The following MEIOB variants were observed in gnomAD, a reference collection of about 807,000 sequenced individuals.
MEIOB encodes the protein meiosis specific with OB-fold.
A neutral mutation model predicts 53.1 loss-of-function variants in MEIOB; 50 were observed. The observed-to-expected ratio is 0.94, with a 90% CI of 0.75 to 1.19. MEIOB has a LOEUF of 1.19. MEIOB is among the 50% of genes most tolerant of loss of function. MEIOB has a pLI of 0.00. For missense variants in MEIOB, 551 were observed against 550.8 expected (o/e 1.00, Z 0.00); for synonymous variants, 192 against 182.5 (o/e 1.05, Z -0.42).
In MEIOB at chr16:1,853,258, A is replaced by C. The variant is rs770279152; in HGVS notation, c.643T>G (p.Ser215Ala). Residue 215 changes from serine to alanine, a missense_variant, in exon 8 of 14, where the codon TCC becomes GCC. Physicochemically the swap from Ser to Ala is moderately conservative, Grantham distance 99. Transcript: ENST00000325962. ...SFAMTCWDNE[S>A]ILLAQSWMPR... ...ATCCAGCTCTGTGCAAGTAGAATGG[A>C]TTCATTATCCCAACTGCATTTGTTT... is the stretch of plus-strand genomic sequence containing the variant. 111 of 1,549,812 alleles carry C rather than the reference A, an allele frequency of 7.2e-5. No homozygotes were observed. Among genetic ancestry groups the C allele is most frequent in the Non-Finnish European group, 9.6e-5 (110 of 1,144,988 alleles).
intron 12 of MEIOB, 109 bp from the exon 13 acceptor site, chr16:1,837,979 C>T (rs1898793858): frequency 6.9e-7 from 1 of 1,439,736 alleles, no homozygotes; most frequent in African/African-American, 1.4e-5. Context: ...ATTTTATTTG[C>T]AGTAATTACA....
At chr16:1,834,695 G>T (rs989867131) in intron 13 of MEIOB, among the ~76,000 whole-genome samples, 1 of 152,214 alleles carries the variant, frequency 6.6e-6, no homozygotes, top group Admixed American at 6.5e-5. Context: ...CACTTTGGGA[G>T]GCCAAGGCGG....
intron 9 of MEIOB, among the ~76,000 whole-genome samples, chr16:1,847,852 G>A (rs1422870440): frequency 1.3e-5 from 2 of 152,120 alleles, no homozygotes; most frequent in East Asian, 1.9e-4. Context: ...GAATGCCTGT[G>A]TGCTCTCTCA....
chr16:1,845,486 C>T (rs1041956265), intron 9 of MEIOB, among the ~76,000 whole-genome samples: 3 of 151,842 alleles, frequency 2.0e-5, no homozygotes, highest in Non-Finnish European at 4.4e-5. Context: ...CGCCACTGCA[C>T]TCCAGCCTGG....
At chr16:1,844,122 CTTTTTTT>C (rs755682782) in intron 10 of MEIOB, among the ~76,000 whole-genome samples, 9 of 129,420 alleles carry the variant, frequency 7.0e-5, no homozygotes, top group African/African-American at 2.6e-4. Context: ...TATTATGTTT[CTTTTTTT>C]TTTTTTTTTT....
chr16:1,852,552 C>T (rs1427483114), intron 9 of MEIOB, among the ~76,000 whole-genome samples: 3 of 151,106 alleles, frequency 2.0e-5, no homozygotes, highest in African/African-American at 4.9e-5. Flanking sequence ...TGAGCCACCG[C>T]GCCAGCCTTG....
chr16:1,852,104 A>G (rs2492883), intron 9 of MEIOB, among the ~76,000 whole-genome samples: 106,777 of 152,096 alleles, frequency 0.7, 37,581 homozygotes, highest in Middle Eastern at 0.8. Context: ...GCACGCATGC[A>G]TGTGTTATCA....
rs191602436 is a variant in MEIOB at position 1,868,315 on chromosome 16, G to T, written c.-9-131C>A. 32 of 467,516 alleles carry T rather than the reference G, an allele frequency of 6.8e-5. No individual in the cohort carries two copies. In the South Asian group the frequency reaches 8.0e-4, roughly 12 times the overall value. The allele number at this position is 467,516 out of a possible 1,614,324, so 29.0% of individuals were successfully genotyped here. On this transcript the variant is annotated intron_variant, in intron 1 of 13. Coordinates refer to ENST00000325962, the MANE Select transcript of MEIOB (RefSeq NM_001163560.3). Reference sequence around the variant, plus strand: ...CTCATACCTGTAATCCCAGCACTTTGGGAGGCTGAAGTGGATGGATCACCT... The same window carrying T: ...CTCATACCTGTAATCCCAGCACTTTTGGAGGCTGAAGTGGATGGATCACCT...
intron 4 of MEIOB, 73 bp downstream of exon 4, chr16:1,861,912 A>G: frequency 1.3e-5 from 18 of 1,370,870 alleles, no homozygotes; most frequent in Non-Finnish European, 1.7e-5. Context: ...CAACTCCTTC[A>G]GTATAGTTAC....
In MEIOB at chr16:1,857,736, G is replaced by A. The variant is rs114880550; in HGVS notation, c.527C>T (p.Ser176Leu). ...RIINVLAAVK[S>L]VGEPKYFTTS... ...GGCTTTGTCGGGGTTTTAACTTACC[G>A]ATTTCACAGCTGCAAGCACGTTAAT... The change falls in exon 6 of 14, where the codon TCG (serine) becomes TTG (leucine). Residue 176 changes from serine to leucine, a missense_variant and splice_region_variant. Coordinates refer to ENST00000325962, the MANE Select transcript of MEIOB (RefSeq NM_001163560.3). 1,672 of 1,550,770 alleles carry A rather than the reference G, an allele frequency of 1.1e-3. 20 individuals carry two copies. In the African/African-American group the frequency reaches 0.021, roughly 20 times the overall value.
At chr16:1,846,674 G>A (rs1011107210) in intron 9 of MEIOB, among the ~76,000 whole-genome samples, 3 of 152,214 alleles carry the variant, frequency 2.0e-5, no homozygotes, top group Non-Finnish European at 4.4e-5. Flanking sequence ...GCTGAAAGCC[G>A]CCATTCTCAG....
chr16:1,835,358 G>A (rs1432073610), intron 13 of MEIOB, among the ~76,000 whole-genome samples: 1 of 152,064 alleles, frequency 6.6e-6, no homozygotes, highest in Non-Finnish European at 1.5e-5. Flanking sequence ...GACTCAATCT[G>A]TGAGACTACA....
At chr16:1,870,796 ACTAT>A (rs1899723422) in intron 1 of MEIOB, among the ~76,000 whole-genome samples, 1 of 152,180 alleles carries the variant, frequency 6.6e-6, no homozygotes, top group South Asian at 2.1e-4. Flanking sequence ...ATGCAGTGTC[ACTAT>A]CTAAAACACT....
intron 1 of MEIOB, among the ~76,000 whole-genome samples, chr16:1,871,279 G>A (rs1399650273): frequency 6.7e-6 from 1 of 149,390 alleles, no homozygotes; most frequent in Non-Finnish European, 1.5e-5. Flanking sequence ...GAGCGCAGTG[G>A]CGCAATCTCG....
chr16:1,852,719 C>A (rs1899203887), intron 9 of MEIOB, among the ~76,000 whole-genome samples: 1 of 151,982 alleles, frequency 6.6e-6, no homozygotes. Flanking sequence ...CCAAGCCCAG[C>A]TAATTTTTAT....
Position 1,854,132 on chromosome 16 carries a change from A to G in MEIOB, c.597T>C (p.Tyr199=), listed in dbSNP as rs542989312. 8 of 1,551,274 alleles carry G rather than the reference A, an allele frequency of 5.2e-6. No individual in the cohort carries two copies. The African/African-American group carries it at 8.2e-5, about 16-fold the overall frequency. The change falls in exon 7 of 14, where the codon TAT becomes TAC. Residue 199 remains tyrosine (Y), a synonymous_variant. Coordinates refer to ENST00000325962, the MANE Select transcript of MEIOB (RefSeq NM_001163560.3). ...RKGQRCEVRL[Y]DETESSFAMT... is the part of the protein sequence containing the mutation. ...TCGCAAAAGACGACTCTGTTTCATCATAGAGTCTAACTTCACACCTCTGGC... is the reference window on the plus strand; with the variant it reads ...TCGCAAAAGACGACTCTGTTTCATCGTAGAGTCTAACTTCACACCTCTGGC...
At position 1,853,119 on chromosome 16, in the gene MEIOB, T is replaced by A; in HGVS notation, c.698A>T (p.Asp233Val). The change falls in exon 9 of 14, where the codon GAT becomes GTT. Residue 233 changes from aspartate to valine, a missense_variant. Asp to Val is a radical substitution (Grantham distance 152). Transcript: ENST00000325962. ...AAATTTGTCAAAATTTATTCTTACA[T>A]CTGAGGCAAATATTACTGTTTGGGA... ...MPRETVIFAS[D>V]VRINFDKFRN... 6.2e-7 allele frequency: 1 copy of A among 1,611,972 alleles called. No individual in the cohort carries two copies. Among genetic ancestry groups the A allele is most frequent in the Non-Finnish European group, 8.5e-7 (1 of 1,178,500 alleles).
intron 3 of MEIOB, among the ~76,000 whole-genome samples, chr16:1,863,481 G>A (rs1899506877): frequency 6.6e-6 from 1 of 151,878 alleles, no homozygotes; most frequent in South Asian, 2.1e-4. Flanking sequence ...CTGCCTCCTG[G>A]GTTCAAGCAA....
chr16:1,857,651 G>A (rs428123), intron 6 of MEIOB, 84 bp downstream of exon 6: 878,399 of 1,051,938 alleles, frequency 0.84, 367,365 homozygotes, highest in Middle Eastern at 0.88. Context: ...CCAGCTGATC[G>A]TGACCACTCC....
Sources: gnomAD v4.1 joint callset for allele counts (sites outside exome capture counted in the v4.1 genomes callset) on GRCh38, gnomAD v4.1.1 for gene constraint, MANE v1.5 for transcripts, NCBI Gene and HGNC (gene_info 2026-07-23, HGNC 2026-07-21) for gene names.